Variants in PDE4D observed in about 807,000 individuals in gnomAD.
PDE4D encodes the protein phosphodiesterase 4D, also known as 3',5'-cyclic-AMP phosphodiesterase 4D.
Under a neutral mutation model 87.4 loss-of-function variants are expected in PDE4D, and 24 were observed. That is an observed-to-expected ratio of 0.27 (90% confidence interval 0.20 to 0.39). The LOEUF (loss-of-function observed/expected upper bound fraction) is 0.39, where lower values mean the gene tolerates loss of function less well. PDE4D is among the 10% of genes least tolerant of loss of function. The probability of loss-of-function intolerance (pLI) is 1.00; values close to 1 mark genes in which losing one functional copy is unlikely to be tolerated. For missense variants in PDE4D, 714 were observed against 1,041.0 expected, an observed-to-expected ratio of 0.69 and a Z score of 4.32; for synonymous variants, 384 against 383.2, an observed-to-expected ratio of 1.00 and a Z score of -0.02.
At chr5:59,631,816 G>T (rs1232247530) in intron 1 of PDE4D, among the ~76,000 whole-genome samples, 1 of 150,738 alleles carries the variant, frequency 6.6e-6, no homozygotes, top group South Asian at 2.1e-4. Flanking sequence ...ACAAAACTGG[G>T]TGGCTGTTTG....
chr5:60,522,050 C>T (rs1176626061), intron 1 of PDE4D: 1 of 152,126 alleles, frequency 6.6e-6, no homozygotes, highest in Non-Finnish European at 1.5e-5. Flanking sequence ...CATTAACTTA[C>T]TTTATCCCCA....
intron 1 of PDE4D, among the ~76,000 whole-genome samples, chr5:59,497,819 G>A (rs991398984): frequency 1.4e-4 from 21 of 151,958 alleles, no homozygotes; most frequent in Admixed American, 1.2e-3. Flanking sequence ...AAGAAATCCA[G>A]AGAATTCCTG....
intron 1 of PDE4D, among the ~76,000 whole-genome samples, chr5:60,519,831 T>C (rs1750957100): frequency 6.6e-6 from 1 of 152,160 alleles, no homozygotes; most frequent in African/African-American, 2.4e-5. Flanking sequence ...AAGGTAAAAA[T>C]AGCTGGGAAA....
At chr5:59,841,810 C>T (rs1037360955) in intron 1 of PDE4D, among the ~76,000 whole-genome samples, 1 of 151,960 alleles carries the variant, frequency 6.6e-6, no homozygotes, top group African/African-American at 2.4e-5. Flanking sequence ...AGGTAAAGGA[C>T]TCTCTAGGCA....
chr5:59,674,868 T>A (rs951801242), intron 1 of PDE4D, among the ~76,000 whole-genome samples: 1 of 152,222 alleles, frequency 6.6e-6, no homozygotes, highest in Non-Finnish European at 1.5e-5. Flanking sequence ...CCACAATGCA[T>A]AGTTTAATAT....
At chr5:59,013,860 C>A (rs1393719802) in intron 6 of PDE4D, among the ~76,000 whole-genome samples, 1 of 152,178 alleles carries the variant, frequency 6.6e-6, no homozygotes, top group Non-Finnish European at 1.5e-5. Flanking sequence ...GAATTTTAGA[C>A]CAACATCCAT....
intron 1 of PDE4D, among the ~76,000 whole-genome samples, chr5:60,512,956 GTT>G (rs1353254097): frequency 6.6e-6 from 1 of 152,154 alleles, no homozygotes. Flanking sequence ...AAGTGTATAA[GTT>G]GGGAGTGGTG....
Position 59,586,497 on chromosome 5 carries a change from T to C in PDE4D, c.455+306671A>G. On this transcript the variant is annotated intron_variant, in intron 1 of 14. Coordinates refer to ENST00000340635, the MANE Select transcript of PDE4D (RefSeq NM_001104631.2). ...TCGTGGGCAATTATTGCAACAAGTA[T>C]TGAATCCCAAAAAAAAAAAAAAAAT... 4 of 1,300,542 alleles carry C rather than the reference T, an allele frequency of 3.1e-6. 1 individual carries two copies. Among genetic ancestry groups the C allele is most frequent in the Non-Finnish European group, 3.9e-6 (4 of 1,036,166 alleles). 80.6% of individuals were successfully genotyped at this position (1,300,542 alleles called of 1,614,324 possible).
At chr5:59,427,862 T>C (rs1458725364) in intron 1 of PDE4D, among the ~76,000 whole-genome samples, 1 of 143,076 alleles carries the variant, frequency 7.0e-6, no homozygotes, top group Non-Finnish European at 1.5e-5. Context: ...AATTGAGACA[T>C]AAAAGCTTCA....
chr5:59,463,949 T>A (rs1000110403), intron 1 of PDE4D, among the ~76,000 whole-genome samples: 5 of 152,216 alleles, frequency 3.3e-5, no homozygotes, highest in African/African-American at 9.6e-5. Context: ...ATATGTGCTG[T>A]GTCAAACTCA....
At chr5:59,025,156 C>G (rs887688914) in intron 6 of PDE4D, among the ~76,000 whole-genome samples, 1 of 151,876 alleles carries the variant, frequency 6.6e-6, no homozygotes, top group Non-Finnish European at 1.5e-5. Flanking sequence ...TAAAATGACA[C>G]CTATATATAT....
At chr5:59,275,409 A>G (rs781687618) in intron 1 of PDE4D, 1 of 1,596,488 alleles carries the variant, frequency 6.3e-7, no homozygotes, top group South Asian at 1.1e-5. Context: ...TCATTTTGAA[A>G]AAAAATAAAA....
At chr5:59,196,609 G>T (rs1481034601) in intron 2 of PDE4D, among the ~76,000 whole-genome samples, 1 of 152,084 alleles carries the variant, frequency 6.6e-6, no homozygotes, top group Non-Finnish European at 1.5e-5. Flanking sequence ...ACAAAATCCA[G>T]AGCTAAACAC....
intron 1 of PDE4D, among the ~76,000 whole-genome samples, chr5:60,229,701 A>G (rs1474654730): frequency 6.6e-6 from 1 of 152,088 alleles, no homozygotes; most frequent in Non-Finnish European, 1.5e-5. Flanking sequence ...ATTCTGGCCC[A>G]CTTACTATCA....
chr5:59,905,083 G>A (rs1056800880), intron 3 of PDE4D, among the ~76,000 whole-genome samples: 6 of 151,996 alleles, frequency 3.9e-5, no homozygotes, highest in African/African-American at 4.8e-5. Context: ...TTGGAGGAAG[G>A]AGAAGAAGGA....
At chr5:59,245,227 C>T (rs913086149) in intron 1 of PDE4D, among the ~76,000 whole-genome samples, 2 of 152,030 alleles carry the variant, frequency 1.3e-5, no homozygotes, top group Admixed American at 6.6e-5. Flanking sequence ...AGCTAGGGTA[C>T]ACAAGGACAT....
chr5:59,284,883 T>C (rs1766581473), intron 1 of PDE4D, among the ~76,000 whole-genome samples: 1 of 41,694 alleles, frequency 2.4e-5, no homozygotes, highest in Admixed American at 3.0e-4. Context: ...TATGCAGCCA[T>C]AAAAAATGAT....
chr5:59,269,191 C>T (rs1581691983), intron 1 of PDE4D, among the ~76,000 whole-genome samples: 2 of 152,062 alleles, frequency 1.3e-5, no homozygotes, highest in Admixed American at 1.3e-4. Context: ...GGTGGAGAAC[C>T]CCATTTTGAA....
chr5:59,232,378 A>G (rs1253050147), intron 1 of PDE4D, among the ~76,000 whole-genome samples: 1 of 152,144 alleles, frequency 6.6e-6, no homozygotes. Context: ...AAGGACATGA[A>G]GACATTTCTC....
Sources: allele counts gnomAD v4.1 joint callset (sites outside exome capture counted in the v4.1 genomes callset), GRCh38; gene constraint gnomAD v4.1.1; transcripts MANE v1.5; gene names NCBI Gene and HGNC (gene_info 2026-07-23, HGNC 2026-07-21).